WDFY4: variants seen among roughly 807,000 people sequenced by gnomAD.
WDFY4 encodes WDFY family member 4, also known as WD repeat- and FYVE domain-containing protein 4.
A neutral mutation model predicts 351.9 loss-of-function variants in WDFY4; 169 were observed. The observed-to-expected ratio is 0.48, with a 90% CI of 0.42 to 0.55. WDFY4 has a LOEUF of 0.55. WDFY4 is among the 20% of genes least tolerant of loss of function. WDFY4 has a pLI of 0.00. For synonymous variants in WDFY4, 1,622 were observed against 1,574.6 expected, an observed-to-expected ratio of 1.03 and a Z score of -0.71; for missense variants, 3,803 against 3,935.6, an observed-to-expected ratio of 0.97 and a Z score of 0.90.
chr10:48,834,242 C>T (rs190906520), intron 39 of WDFY4, among the ~76,000 whole-genome samples: 11 of 152,050 alleles, frequency 7.2e-5, no homozygotes, highest in Admixed American at 5.9e-4. Flanking sequence ...GTATTATAGC[C>T]TTGTTATAAA....
chr10:48,779,252 T>G (rs2066139346), intron 18 of WDFY4, among the ~76,000 whole-genome samples: 1 of 152,190 alleles, frequency 6.6e-6, no homozygotes, highest in Non-Finnish European at 1.5e-5. Context: ...CGCTCCCACA[T>G]ATGCTCAACC....
intron 23 of WDFY4, among the ~76,000 whole-genome samples, chr10:48,791,484 G>T (rs1382298253): frequency 6.6e-6 from 1 of 152,204 alleles, no homozygotes; most frequent in Non-Finnish European, 1.5e-5. Context: ...TGTAAAATGG[G>T]ATTATGAGAG....
intron 12 of WDFY4, among the ~76,000 whole-genome samples, chr10:48,746,305 TC>T (rs1272399647): frequency 6.6e-6 from 1 of 152,262 alleles, no homozygotes; most frequent in East Asian, 1.9e-4. Flanking sequence ...TAAATTTTTA[TC>T]ATTATATGGT....
In WDFY4 at chr10:48,789,654, CT is replaced by C. The variant is rs566991961; in HGVS notation, c.3955-219del. On this transcript the variant is annotated intron_variant, in intron 21 of 61. Transcript: ENST00000325239. The stretch of plus-strand genomic sequence containing the variant: ...GGCTCAGACTGCGTAACTGAAGCTG[CT>C]CACTTACAATTCAGCCACAGCTTGG... Among the ~76,000 whole-genome samples the C allele has an allele frequency of 1.3e-3, 197 of 152,348 alleles. 1 individual carries two copies. Among genetic ancestry groups the C allele is most frequent in the Non-Finnish European group, 2.4e-3 (161 of 68,046 alleles).
At chr10:48,768,723 A>AAGAGAGAGAG (rs71026224) in intron 13 of WDFY4, among the ~76,000 whole-genome samples, 10,560 of 140,814 alleles carry the variant, frequency 0.075, 475 homozygotes, top group Middle Eastern at 0.099. Flanking sequence ...GGGAGAGGAG[A>AAGAGAGAGAG]AGAGAGAGAG....
intron 2 of WDFY4, among the ~76,000 whole-genome samples, chr10:48,717,115 C>T (rs2063935334): frequency 6.6e-6 from 1 of 152,226 alleles, no homozygotes; most frequent in Non-Finnish European, 1.5e-5. Flanking sequence ...TAGTACAAAC[C>T]TCAAAGGCTT....
At chr10:48,833,567 T>A (rs901547086) in intron 39 of WDFY4, among the ~76,000 whole-genome samples, 1 of 152,190 alleles carries the variant, frequency 6.6e-6, no homozygotes, top group Non-Finnish European at 1.5e-5. Flanking sequence ...GGAAATAGAC[T>A]CCACCTTCTC....
In WDFY4 at chr10:48,733,954, G is replaced by T; in HGVS notation, c.1606G>T (p.Val536Phe). Residue 536 changes from valine to phenylalanine, a missense_variant, in exon 10 of 62, where the codon GTT becomes TTT. Transcript: ENST00000325239. ...AGGAAACAAAGTGTCCACTCCTGGT[G>T]TTCAGGATCCAGAAAGAGAACTCAC... ...KSGNKVSTPG[V>F]QDPERELTCV... 1 of 1,551,730 alleles carries T rather than the reference G, an allele frequency of 6.4e-7. No homozygotes were observed. Among genetic ancestry groups the T allele is most frequent in the Non-Finnish European group, 8.7e-7 (1 of 1,146,998 alleles).
chr10:48,922,047 C>A (rs1234410885), intron 47 of WDFY4, among the ~76,000 whole-genome samples: 1 of 152,084 alleles, frequency 6.6e-6, no homozygotes, highest in Non-Finnish European at 1.5e-5. Context: ...TCATAATTGC[C>A]CCAAACAGAA....
chr10:48,830,959 C>G, intron 38 of WDFY4, 74 bp downstream of exon 38: 1 of 1,455,478 alleles, frequency 6.9e-7, no homozygotes, highest in Non-Finnish European at 9.3e-7. Context: ...AGGTTCAACT[C>G]AGTGCCTAGA....
At chr10:48,725,029 A>G (rs2064219537) in intron 5 of WDFY4, among the ~76,000 whole-genome samples, 1 of 152,082 alleles carries the variant, frequency 6.6e-6, no homozygotes. Context: ...CTGAGGAGGT[A>G]GTGTGGCCGG....
intron 47 of WDFY4, among the ~76,000 whole-genome samples, chr10:48,926,704 A>G: frequency 6.6e-6 from 1 of 152,256 alleles, no homozygotes; most frequent in East Asian, 1.9e-4. Context: ...ATATACAAAT[A>G]GTATGAATGT....
At chr10:48,705,540 C>T (rs922606391) in intron 1 of WDFY4, among the ~76,000 whole-genome samples, 16 of 152,192 alleles carry the variant, frequency 1.1e-4, no homozygotes, top group African/African-American at 3.9e-4. Flanking sequence ...TGCAAGCCTA[C>T]TCCCTGTTTC....
intron 11 of WDFY4, among the ~76,000 whole-genome samples, chr10:48,741,062 TC>T (rs1296917077): frequency 6.6e-6 from 1 of 152,208 alleles, no homozygotes; most frequent in African/African-American, 2.4e-5. Context: ...TCTGGAAATG[TC>T]ATAGATGGGG....
In WDFY4 at chr10:48,695,312, G is replaced by A. The variant is rs571914252; in HGVS notation, c.-18+10311G>A. Among the ~76,000 whole-genome samples the A allele has an allele frequency of 7.2e-5, 11 of 152,346 alleles. No homozygotes were observed. In the East Asian group the frequency reaches 2.1e-3, roughly 29 times the overall value. ...AGCAGGTCTGGCTTGGATCTCCTAT[G>A]GCTGAGGGTCAGCAACAACTATGCA... On this transcript the variant is annotated intron_variant, in intron 1 of 61. Coordinates refer to ENST00000325239, the MANE Select transcript of WDFY4 (RefSeq NM_001394531.1).
intron 51 of WDFY4, among the ~76,000 whole-genome samples, chr10:48,951,630 A>T (rs1841325690): frequency 6.6e-6 from 1 of 152,362 alleles, no homozygotes; most frequent in East Asian, 1.9e-4. Flanking sequence ...AAAGAAACAA[A>T]AAAAAGCACA....
chr10:48,778,694 G>T lies in WDFY4; in HGVS notation c.3259G>T (p.Gly1087Cys). The T allele has an allele frequency of 6.4e-7, 1 of 1,551,656 alleles. No individual in the cohort carries two copies. The highest frequency in any genetic ancestry group is 8.7e-7 in the Non-Finnish European group (1 of 1,147,020). The change falls in exon 18 of 62, where the codon GGC (glycine) becomes TGC (cysteine). Residue 1087 changes from glycine to cysteine, a missense_variant. Transcript: ENST00000325239. ...LISRHGAATE[G>C]HPLRFLTLVR... ...CAGCCGGCATGGAGCTGCCACTGAGGGCCACCCGCTGCGCTTCCTGACGTT... is the reference window on the plus strand; with the variant it reads ...CAGCCGGCATGGAGCTGCCACTGAGTGCCACCCGCTGCGCTTCCTGACGTT...
chr10:48,803,486 C>T, intron 25 of WDFY4, 127 bp downstream of exon 25: 1 of 887,430 alleles, frequency 1.1e-6, no homozygotes, highest in Non-Finnish European at 1.7e-6. Flanking sequence ...GGAGCACATC[C>T]TTCCCAGTGG....
intron 39 of WDFY4, among the ~76,000 whole-genome samples, chr10:48,838,565 T>A (rs915382796): frequency 6.6e-6 from 1 of 151,594 alleles, no homozygotes; most frequent in Non-Finnish European, 1.5e-5. Flanking sequence ...ATTATCTTTT[T>A]GAAAAAAAAA....
Sources: allele counts gnomAD v4.1 joint callset (sites outside exome capture counted in the v4.1 genomes callset), GRCh38; gene constraint gnomAD v4.1.1; transcripts MANE v1.5; gene names NCBI Gene and HGNC (gene_info 2026-07-23, HGNC 2026-07-21).